The following OTUD7A variants were observed in gnomAD, a reference collection of about 807,000 sequenced individuals.
The protein encoded by OTUD7A is OTU domain-containing protein 7A.
A neutral mutation model predicts 65.7 loss-of-function variants in OTUD7A; 12 were observed. That is an observed-to-expected ratio of 0.18 (90% CI 0.12 to 0.30). The LOEUF is 0.30. Ranked by LOEUF, OTUD7A falls within the 10% of genes least tolerant of loss-of-function variation. The pLI is 1.00. For missense variants in OTUD7A, 1,148 were observed against 1,304.8 expected (o/e 0.88, Z 1.85); for synonymous variants, 641 against 586.3 (o/e 1.09, Z -1.35).
At chr15:31,562,794 G>A (rs369884695) in intron 4 of OTUD7A, among the ~76,000 whole-genome samples, 14 of 152,144 alleles carry the variant, frequency 9.2e-5, no homozygotes, top group African/African-American at 3.1e-4. Context: ...CACTAAAGCC[G>A]TCGAAGACAG....
intron 1 of OTUD7A, among the ~76,000 whole-genome samples, chr15:31,729,937 A>G (rs1033407661): frequency 6.6e-6 from 1 of 151,862 alleles, no homozygotes; most frequent in African/African-American, 2.4e-5. Flanking sequence ...TCTCTCTCCT[A>G]TGATACTAAT....
chr15:31,611,312 G>A (rs534490776), intron 3 of OTUD7A, among the ~76,000 whole-genome samples: 8 of 152,240 alleles, frequency 5.3e-5, no homozygotes, highest in African/African-American at 1.7e-4. Flanking sequence ...GATCAGAGCA[G>A]AACTAAATGA....
chr15:31,786,962 T>C (rs537605530), intron 1 of OTUD7A, among the ~76,000 whole-genome samples: 78 of 152,302 alleles, frequency 5.1e-4, no homozygotes, highest in Middle Eastern at 3.4e-3. Flanking sequence ...GCTTTACATA[T>C]AAAAGTCAAT....
At chr15:31,727,869 T>G (rs770919736) in intron 1 of OTUD7A, among the ~76,000 whole-genome samples, 7 of 152,190 alleles carry the variant, frequency 4.6e-5, no homozygotes, top group Non-Finnish European at 8.8e-5. Context: ...CTGGCCTTTC[T>G]GTGGCTATCT....
intron 3 of OTUD7A, among the ~76,000 whole-genome samples, chr15:31,619,274 A>G (rs530538473): frequency 2.0e-5 from 3 of 152,220 alleles, no homozygotes; most frequent in Admixed American, 1.3e-4. Context: ...TTTTGGTTCC[A>G]TATCAACTTT....
At chr15:31,735,754 T>C (rs1446045583) in intron 1 of OTUD7A, among the ~76,000 whole-genome samples, 1 of 152,190 alleles carries the variant, frequency 6.6e-6, no homozygotes, top group Non-Finnish European at 1.5e-5. Flanking sequence ...TAAAGGCACA[T>C]GCACCTATAT....
At chr15:31,539,702 T>C (rs1409029967) in intron 5 of OTUD7A, among the ~76,000 whole-genome samples, 1 of 152,204 alleles carries the variant, frequency 6.6e-6, no homozygotes, top group Non-Finnish European at 1.5e-5. Context: ...TAGGAGAATG[T>C]CTTTATTTTC....
intron 8 of OTUD7A, among the ~76,000 whole-genome samples, chr15:31,504,474 A>G (rs2041526608): frequency 6.6e-6 from 1 of 152,182 alleles, no homozygotes; most frequent in Admixed American, 6.5e-5. Flanking sequence ...CTCAAACCCT[A>G]AGACGTTCGG....
At chr15:31,552,152 A>G (rs573283310) in intron 5 of OTUD7A, among the ~76,000 whole-genome samples, 1 of 152,178 alleles carries the variant, frequency 6.6e-6, no homozygotes, top group Admixed American at 6.5e-5. Flanking sequence ...CATATGATAC[A>G]TCTGCTTCCC....
At chr15:31,739,772 A>G (rs778051394) in intron 1 of OTUD7A, among the ~76,000 whole-genome samples, 1 of 152,116 alleles carries the variant, frequency 6.6e-6, no homozygotes, top group Non-Finnish European at 1.5e-5. Context: ...GGTTTTTGCC[A>G]TGTTGGACAG....
intron 1 of OTUD7A, among the ~76,000 whole-genome samples, chr15:31,835,096 A>G (rs1011598242): frequency 5.9e-5 from 9 of 152,178 alleles, no homozygotes; most frequent in Non-Finnish European, 1.3e-4. Context: ...CCAGGAAAAG[A>G]TGACTGTCTC....
chr15:31,554,091 A>C (rs1283254552), intron 5 of OTUD7A, among the ~76,000 whole-genome samples: 1 of 150,820 alleles, frequency 6.6e-6, no homozygotes, highest in African/African-American at 2.5e-5. Context: ...TTGATGTTAG[A>C]CTCCCTCTGC....
chr15:31,519,313 G>C (rs1228989064), intron 8 of OTUD7A, among the ~76,000 whole-genome samples: 1 of 152,204 alleles, frequency 6.6e-6, no homozygotes, highest in Non-Finnish European at 1.5e-5. Flanking sequence ...CACATTCATT[G>C]ATTTGTGTAT....
intron 1 of OTUD7A, among the ~76,000 whole-genome samples, chr15:31,857,989 A>C (rs1400913839): frequency 6.6e-6 from 1 of 152,230 alleles, no homozygotes; most frequent in Non-Finnish European, 1.5e-5. Context: ...CTTTACGAAG[A>C]ACGCATGGTT....
chr15:31,742,844 G>A (rs899745505), intron 1 of OTUD7A, among the ~76,000 whole-genome samples: 6 of 151,968 alleles, frequency 3.9e-5, no homozygotes, highest in Admixed American at 3.9e-4. Context: ...TCAAACAAAA[G>A]AGACTTCAAG....
At chr15:31,637,617 G>A (rs1891382299) in intron 3 of OTUD7A, among the ~76,000 whole-genome samples, 1 of 152,146 alleles carries the variant, frequency 6.6e-6, no homozygotes, top group African/African-American at 2.4e-5. Context: ...GATAGATCTG[G>A]GCAAAGTACA....
chr15:31,801,909 G>A (rs79116121), intron 1 of OTUD7A, among the ~76,000 whole-genome samples: 2,081 of 152,032 alleles, frequency 0.014, 44 homozygotes, highest in African/African-American at 0.047. Flanking sequence ...CAGCATAATT[G>A]ACACACATGG....
At chr15:31,784,932 G>C (rs1895632455) in intron 1 of OTUD7A, among the ~76,000 whole-genome samples, 2 of 152,204 alleles carry the variant, frequency 1.3e-5, no homozygotes, top group South Asian at 4.1e-4. Context: ...TGGAGTTAAA[G>C]TAGGGTCAGT....
intron 1 of OTUD7A, among the ~76,000 whole-genome samples, chr15:31,671,188 G>C (rs1892476011): frequency 6.6e-6 from 1 of 152,066 alleles, no homozygotes; most frequent in African/African-American, 2.4e-5. Context: ...TTTCTTCTAG[G>C]GTTTTTATAG....
Sources: gnomAD v4.1 joint callset for allele counts (sites outside exome capture counted in the v4.1 genomes callset) on GRCh38, gnomAD v4.1.1 for gene constraint, MANE v1.5 for transcripts, NCBI Gene and HGNC (gene_info 2026-07-23, HGNC 2026-07-21) for gene names.